The following FRMPD4 variants were observed in gnomAD, a reference collection of about 807,000 sequenced individuals.
The protein encoded by FRMPD4 is FERM and PDZ domain containing 4, also known as FERM and PDZ domain-containing protein 4.
Under a neutral mutation model 94.1 loss-of-function variants are expected in FRMPD4, and 22 were observed. The observed-to-expected ratio is 0.23, with a 90% CI of 0.17 to 0.33. The LOEUF (loss-of-function observed/expected upper bound fraction) is 0.33, where lower values mean the gene tolerates loss of function less well. Ranked by LOEUF, FRMPD4 falls within the 10% of genes least tolerant of loss-of-function variation. The probability of loss-of-function intolerance (pLI) is 1.00; values close to 1 mark genes in which losing one functional copy is unlikely to be tolerated. For synonymous variants in FRMPD4, 631 were observed against 548.6 expected (o/e 1.15, Z -2.10); for missense variants, 1,111 against 1,339.9 (o/e 0.83, Z 2.67).
intron 3 of FRMPD4, among the ~76,000 whole-genome samples, chrX:11,984,147 G>A (rs1353383380): frequency 2.7e-5 from 3 of 112,412 alleles, no homozygotes; most frequent in Admixed American, 9.4e-5. Context: ...GCATTGTCAT[G>A]TTGCAGAAGG....
intron 1 of FRMPD4, among the ~76,000 whole-genome samples, chrX:12,241,091 G>T (rs1310752881): frequency 8.9e-6 from 1 of 112,164 alleles, no homozygotes; most frequent in African/African-American, 3.2e-5. Context: ...GTTTTGTTGG[G>T]TTCCTGGGAA....
intron 3 of FRMPD4, among the ~76,000 whole-genome samples, chrX:11,928,130 GCAAA>G (rs1367953886): frequency 8.9e-6 from 1 of 112,309 alleles, no homozygotes; most frequent in Non-Finnish European, 1.9e-5. Context: ...CATATGTGTG[GCAAA>G]CAATCATATG....
chrX:12,044,080 G>A (rs1251585197), intron 3 of FRMPD4, among the ~76,000 whole-genome samples: 1 of 111,315 alleles, frequency 9.0e-6, no homozygotes, highest in Non-Finnish European at 1.9e-5. Context: ...TGTTTGGGCT[G>A]GGGAAAAATT....
chrX:11,973,939 C>A (rs958437333), intron 3 of FRMPD4, among the ~76,000 whole-genome samples: 4 of 111,153 alleles, frequency 3.6e-5, no homozygotes, highest in Admixed American at 9.5e-5. Context: ...GTTAACAGAC[C>A]CAGGGCACAG....
At chrX:12,344,601 A>G (rs1363732269) in intron 1 of FRMPD4, among the ~76,000 whole-genome samples, 2 of 112,379 alleles carry the variant, frequency 1.8e-5, no homozygotes, top group African/African-American at 6.5e-5. Context: ...GAAAATGTTG[A>G]TTTTATAATA....
chrX:12,043,271 G>A (rs943026455), intron 3 of FRMPD4, among the ~76,000 whole-genome samples: 7 of 111,746 alleles, frequency 6.3e-5, no homozygotes, highest in Non-Finnish European at 1.3e-4. Context: ...TGACTTTTTT[G>A]TGGTAAACGA....
chrX:12,022,379 T>C (rs902137766), intron 3 of FRMPD4, among the ~76,000 whole-genome samples: 5 of 112,062 alleles, frequency 4.5e-5, no homozygotes, highest in Non-Finnish European at 9.4e-5. Flanking sequence ...GCCCACTCTT[T>C]CCCTGCTAAA....
chrX:11,917,422 C>T (rs914652128), intron 3 of FRMPD4, among the ~76,000 whole-genome samples: 27 of 111,836 alleles, frequency 2.4e-4, no homozygotes, highest in African/African-American at 8.5e-4. Context: ...ATCATTCTAT[C>T]AAAAAGACAC....
chrX:12,211,586 T>G (rs1427910076), intron 1 of FRMPD4, among the ~76,000 whole-genome samples: 4 of 112,471 alleles, frequency 3.6e-5, no homozygotes, highest in East Asian at 2.8e-4. Context: ...TCATGTTTTC[T>G]TTGGCTAATA....
At chrX:11,878,272 T>G (rs1239769700) in intron 3 of FRMPD4, among the ~76,000 whole-genome samples, 4 of 112,341 alleles carry the variant, frequency 3.6e-5, no homozygotes, top group Non-Finnish European at 7.5e-5. Context: ...GTATACTACT[T>G]TGGTCATTTA....
chrX:12,506,792 A>T (rs187346362), intron 2 of FRMPD4, among the ~76,000 whole-genome samples: 1 of 112,575 alleles, frequency 8.9e-6, no homozygotes, highest in East Asian at 2.8e-4. Context: ...GAAATGCTGC[A>T]CACAACTAAC....
chrX:12,546,005 A>C (rs2058471393), intron 2 of FRMPD4, among the ~76,000 whole-genome samples: 1 of 112,416 alleles, frequency 8.9e-6, no homozygotes, highest in East Asian at 2.8e-4. Flanking sequence ...AAGGAAAGTG[A>C]CTGGAGAACA....
At chrX:12,433,674 C>T (rs2057033219) in intron 1 of FRMPD4, among the ~76,000 whole-genome samples, 1 of 112,138 alleles carries the variant, frequency 8.9e-6, no homozygotes, top group South Asian at 3.7e-4. Flanking sequence ...AGATAACTTA[C>T]AGTCTATTTG....
At chrX:12,497,688 G>A in intron 1 of FRMPD4, among the ~76,000 whole-genome samples, 1 of 111,086 alleles carries the variant, frequency 9.0e-6, no homozygotes, top group Non-Finnish European at 1.9e-5. Context: ...TAGGAAAATG[G>A]AAAGGAAGTT....
intron 4 of FRMPD4, among the ~76,000 whole-genome samples, chrX:12,624,742 A>T (rs1243647080): frequency 3.6e-5 from 4 of 111,617 alleles, no homozygotes; most frequent in African/African-American, 1.3e-4. Context: ...AAGAAAGAGA[A>T]AAGGGGCCAG....
chrX:11,959,346 A>G (rs2054272815), intron 3 of FRMPD4, among the ~76,000 whole-genome samples: 1 of 112,356 alleles, frequency 8.9e-6, no homozygotes, highest in Non-Finnish European at 1.9e-5. Context: ...GGCCAAATAT[A>G]CATATTCAGG....
At chrX:12,067,428 T>G (rs990073486) in intron 3 of FRMPD4, among the ~76,000 whole-genome samples, 6 of 106,014 alleles carry the variant, frequency 5.7e-5, no homozygotes, top group African/African-American at 2.0e-4. Context: ...TTTGTTTTTG[T>G]TTTTTTTTGA....
intron 2 of FRMPD4, among the ~76,000 whole-genome samples, chrX:12,560,139 C>T (rs973730735): frequency 1.8e-5 from 2 of 111,795 alleles, no homozygotes; most frequent in East Asian, 5.6e-4. Flanking sequence ...AAAGTGTTCT[C>T]ATTTAAATAT....
At chrX:12,644,332 A>C (rs2059527846) in intron 4 of FRMPD4, among the ~76,000 whole-genome samples, 1 of 89,496 alleles carries the variant, frequency 1.1e-5, no homozygotes. Context: ...ATTGATTAAA[A>C]TCTTTCACAG....
Sources: allele counts gnomAD v4.1 joint callset (sites outside exome capture counted in the v4.1 genomes callset), GRCh38; gene constraint gnomAD v4.1.1; transcripts MANE v1.5; gene names NCBI Gene and HGNC (gene_info 2026-07-23, HGNC 2026-07-21).